The following RBFOX3 variants were observed in gnomAD, a reference collection of about 807,000 sequenced individuals.
RBFOX3 encodes the protein RNA binding protein fox-1 homolog 3.
A neutral mutation model predicts 48.7 loss-of-function variants in RBFOX3; 17 were observed. The ratio of observed to expected loss-of-function variants is 0.35; its 90% CI spans 0.24 to 0.52. RBFOX3 has a LOEUF of 0.52. Ranked by LOEUF, RBFOX3 falls within the 20% of genes least tolerant of loss-of-function variation. The pLI is 0.94. For synonymous variants in RBFOX3, 212 were observed against 209.5 expected, an observed-to-expected ratio of 1.01 and a Z score of -0.10; for missense variants, 382 against 497.5, an observed-to-expected ratio of 0.77 and a Z score of 2.21.
intron 4 of RBFOX3, among the ~76,000 whole-genome samples, chr17:79,147,814 G>A (rs568440318): frequency 3.3e-5 from 5 of 152,270 alleles, no homozygotes; most frequent in African/African-American, 9.6e-5. Context: ...GCTGGTGCAA[G>A]CTTTGCCAAG....
chr17:79,334,543 C>T (rs1006488901), intron 2 of RBFOX3, among the ~76,000 whole-genome samples: 6 of 152,124 alleles, frequency 3.9e-5, no homozygotes, highest in African/African-American at 1.4e-4. Flanking sequence ...CTTAACCCTT[C>T]GGGGCCCCTA....
the RBFOX3 span, among the ~76,000 whole-genome samples, chr17:79,626,706 T>C: frequency 2.6e-5 from 4 of 152,108 alleles, no homozygotes; most frequent in African/African-American, 9.7e-5. Flanking sequence ...GAAGGGGGCA[T>C]CCCCCCATCT....
Position 79,128,310 on chromosome 17 carries a change from G to C in RBFOX3, c.-33-12562C>G, listed in dbSNP as rs150940381. ...ATCCCCCATGTGTGGATGAGGGGGG[G>C]ACTTTGCTTCCCAGAAGCACAAATA... On this transcript the variant is annotated intron_variant, in intron 4 of 14. Transcript: ENST00000693108. Among the ~76,000 whole-genome samples the C allele has an allele frequency of 8.4e-4, 128 of 152,090 alleles. 1 individual carries two copies. The highest frequency in any genetic ancestry group is 2.7e-3 in the African/African-American group (111 of 41,478).
At chr17:79,600,732 GGAGGT>G (rs2093686560) in intron 1 of RBFOX3, 1 of 152,178 alleles carries the variant, frequency 6.6e-6, no homozygotes, top group African/African-American at 2.4e-5. Context: ...CCGTCTAAGT[GGAGGT>G]GACTGATTTA....
At chr17:79,116,079 A>G (rs933719862) in intron 4 of RBFOX3, among the ~76,000 whole-genome samples, 2 of 152,312 alleles carry the variant, frequency 1.3e-5, no homozygotes, top group Admixed American at 1.3e-4. Flanking sequence ...AGGTAACTGT[A>G]GGCTCGTGCA....
At chr17:79,314,375 C>T (rs1224779778) in intron 2 of RBFOX3, among the ~76,000 whole-genome samples, 5 of 151,948 alleles carry the variant, frequency 3.3e-5, no homozygotes, top group Non-Finnish European at 5.9e-5. Flanking sequence ...TGAGAACGAT[C>T]GGCCTCAGCA....
At chr17:79,540,874 C>A (rs532927314) in intron 1 of RBFOX3, among the ~76,000 whole-genome samples, 1 of 152,310 alleles carries the variant, frequency 6.6e-6, no homozygotes, top group Admixed American at 6.5e-5. Context: ...CTACTTCAAC[C>A]GGACACTTCA....
chr17:79,558,565 G>A (rs1188015219), intron 1 of RBFOX3, among the ~76,000 whole-genome samples: 1 of 152,098 alleles, frequency 6.6e-6, no homozygotes, highest in African/African-American at 2.4e-5. Context: ...AGCCCTCCAA[G>A]GTGGCTTCGG....
At chr17:79,542,067 G>A (rs552979509) in intron 1 of RBFOX3, among the ~76,000 whole-genome samples, 10 of 146,494 alleles carry the variant, frequency 6.8e-5, no homozygotes, top group South Asian at 4.3e-4. Flanking sequence ...ATTGTTTATC[G>A]TGCAACACTC....
chr17:79,104,620 A>T (rs1008518181), intron 6 of RBFOX3, among the ~76,000 whole-genome samples: 2 of 152,218 alleles, frequency 1.3e-5, no homozygotes, highest in Non-Finnish European at 2.9e-5. Context: ...GTCTGCTTTG[A>T]GACCCTTCTC....
chr17:79,483,588 T>C (rs1448001951), intron 1 of RBFOX3, among the ~76,000 whole-genome samples: 1 of 148,260 alleles, frequency 6.7e-6, no homozygotes, highest in African/African-American at 2.5e-5. Context: ...CCCCACGAAT[T>C]TCCCCCCAGG....
intron 1 of RBFOX3, among the ~76,000 whole-genome samples, chr17:79,505,311 G>T (rs1275403477): frequency 6.6e-6 from 1 of 152,056 alleles, no homozygotes; most frequent in East Asian, 1.9e-4. Context: ...ACCTGCCTGG[G>T]GTCCAGAGTA....
At chr17:79,114,916 G>A (rs970586055) in intron 5 of RBFOX3, among the ~76,000 whole-genome samples, 1 of 152,248 alleles carries the variant, frequency 6.6e-6, no homozygotes, top group Admixed American at 6.5e-5. Flanking sequence ...TTGCTCTCAG[G>A]AAATCTGAGA....
intron 1 of RBFOX3, among the ~76,000 whole-genome samples, chr17:79,504,593 G>A (rs2082825933): frequency 6.6e-6 from 1 of 152,168 alleles, no homozygotes; most frequent in Admixed American, 6.5e-5. Flanking sequence ...CTGGCTTGTG[G>A]CTGCATCGCT....
Position 79,432,256 on chromosome 17 carries a change from C to T in RBFOX3, c.-175+50198G>A, listed in dbSNP as rs147389266. ...TCTTGTGAATAACGCTACTATGAAC[C>T]GAGTGTGCACATGTCTCGTCCATAC... On this transcript the variant is annotated intron_variant, in intron 2 of 14. Transcript: ENST00000693108. Among the ~76,000 whole-genome samples, 20 of 152,318 alleles carry T rather than the reference C, an allele frequency of 1.3e-4. No individual in the cohort carries two copies. The East Asian group carries it at 3.7e-3, about 28-fold the overall frequency.
intron 2 of RBFOX3, among the ~76,000 whole-genome samples, chr17:79,321,504 T>C (rs1048033063): frequency 2.0e-5 from 3 of 152,024 alleles, no homozygotes; most frequent in Non-Finnish European, 4.4e-5. Flanking sequence ...AATTTTCCCA[T>C]GGAGCGCAGG....
intron 4 of RBFOX3, among the ~76,000 whole-genome samples, chr17:79,224,670 T>C (rs1161371814): frequency 6.6e-6 from 1 of 152,206 alleles, no homozygotes. Flanking sequence ...TTTGGAGTCA[T>C]CGTCCCTCCA....
chr17:79,195,945 G>A lies in RBFOX3; in HGVS notation c.-34+39821C>T, dbSNP rs150795011. On this transcript the variant is annotated intron_variant, in intron 4 of 14. Transcript: ENST00000693108. This position sits in a 1 kb window ranked among gnomAD's most constrained non-coding sequence, Gnocchi z 5.3. ...CCATTCCAGTGAAACTGGGCATGGC[G>A]ATAATTATCATCATCAGAACACCCT... Among the ~76,000 whole-genome samples, 61 of 152,292 alleles carry A rather than the reference G, an allele frequency of 4.0e-4. No individual in the cohort carries two copies. The highest frequency in any genetic ancestry group is 1.3e-3 in the African/African-American group (56 of 41,550).
the RBFOX3 span, among the ~76,000 whole-genome samples, chr17:79,628,663 C>A: frequency 6.6e-6 from 1 of 152,212 alleles, no homozygotes; most frequent in Non-Finnish European, 1.5e-5. Context: ...CACCTTCCAT[C>A]ATCCCAGAAG....
Sources: gnomAD v4.1 joint callset for allele counts (sites outside exome capture counted in the v4.1 genomes callset) on GRCh38, gnomAD v4.1.1 for gene constraint, Gnocchi (gnomAD v3.1) non-coding constraint, MANE v1.5 for transcripts, NCBI Gene and HGNC (gene_info 2026-07-23, HGNC 2026-07-21) for gene names.